The following CAMTA1 variants were observed in gnomAD, a reference collection of about 807,000 sequenced individuals.
CAMTA1 encodes the protein calmodulin binding transcription activator 1.
In CAMTA1, 27 loss-of-function variants were observed where a neutral mutation model predicts 170.9. The observed-to-expected ratio is 0.16, with a 90% CI of 0.12 to 0.22. The LOEUF is 0.22. CAMTA1 is among the 10% of genes least tolerant of loss of function. The probability of loss-of-function intolerance (pLI) is 1.00; values close to 1 mark genes in which losing one functional copy is unlikely to be tolerated. For missense variants in CAMTA1, 1,619 were observed against 2,217.2 expected (o/e 0.73, Z 5.42); for synonymous variants, 833 against 891.5 (o/e 0.93, Z 1.17).
At position 7,766,541 on chromosome 1, in the gene CAMTA1, T is replaced by TG; in HGVS notation, c.*50_*51insG. On this transcript the variant is annotated 3_prime_UTR_variant, in exon 23 of 23. Coordinates refer to ENST00000303635, the MANE Select transcript of CAMTA1 (RefSeq NM_015215.4). ...AATGTGACATTGCTTTTCAGACTGTTTTCATTTCTGTTTTTAGCAGAGACA... is the reference window on the plus strand; with the variant it reads ...AATGTGACATTGCTTTTCAGACTGTTGTTCATTTCTGTTTTTAGCAGAGACA... The TG allele has an allele frequency of 6.4e-7, 1 of 1,570,456 alleles. No homozygotes were observed. The highest frequency in any genetic ancestry group is 8.8e-7 in the Non-Finnish European group (1 of 1,140,444).
chr1:7,491,239 G>T lies in CAMTA1; in HGVS notation c.510+23338G>T, dbSNP rs34643765. 2.6e-3 allele frequency among the ~76,000 whole-genome samples: 397 copies of T among 152,268 alleles called. 3 individuals carry two copies. Among genetic ancestry groups the T allele is most frequent in the Admixed American group, 4.4e-3 (67 of 15,304 alleles). On this transcript the variant is annotated intron_variant, in intron 6 of 22. Transcript: ENST00000303635. ...GCCGCACTCACCAAGGCAGAGCCGG[G>T]AGGACTCCACCCACCCTCTTTCCTG...
intron 11 of CAMTA1, among the ~76,000 whole-genome samples, chr1:7,703,347 C>T (rs1380590579): frequency 6.6e-6 from 1 of 152,120 alleles, no homozygotes; most frequent in Admixed American, 6.5e-5. Context: ...GGAATACTGA[C>T]CTAGAGCAGG....
intron 5 of CAMTA1, among the ~76,000 whole-genome samples, chr1:7,349,373 G>A (rs541433988): frequency 6.6e-6 from 1 of 152,098 alleles, no homozygotes; most frequent in Non-Finnish European, 1.5e-5. Context: ...GCTTTCTGGG[G>A]GCCTAAAGGG....
chr1:6,785,682 CGGCG>C (rs1307015700), intron 1 of CAMTA1, 107 bp downstream of exon 1: 4 of 31,182 alleles, frequency 1.3e-4, no homozygotes, highest in East Asian at 1.4e-3. Flanking sequence ...CGCGGGGGCG[CGGCG>C]GGCGGGCGGG....
At chr1:7,715,812 G>A (rs972186975) in intron 11 of CAMTA1, among the ~76,000 whole-genome samples, 7 of 152,192 alleles carry the variant, frequency 4.6e-5, no homozygotes, top group African/African-American at 1.7e-4. Flanking sequence ...AGTCCTTGAT[G>A]TATTCTGATG....
chr1:6,953,761 CTT>C (rs543939742), intron 3 of CAMTA1, among the ~76,000 whole-genome samples: 1 of 146,096 alleles, frequency 6.8e-6, no homozygotes, highest in African/African-American at 2.5e-5. Flanking sequence ...CAATTTTTTT[CTT>C]TTTTTTTTTT....
chr1:7,322,373 A>T (rs1678562069), intron 5 of CAMTA1, among the ~76,000 whole-genome samples: 1 of 152,246 alleles, frequency 6.6e-6, no homozygotes, highest in Non-Finnish European at 1.5e-5. Context: ...GAGAGATGGT[A>T]AATGTTTTAG....
chr1:7,073,294 T>A (rs991721528), intron 3 of CAMTA1, among the ~76,000 whole-genome samples: 1 of 152,076 alleles, frequency 6.6e-6, no homozygotes, highest in Non-Finnish European at 1.5e-5. Context: ...GTGTGAAGCA[T>A]GTAAAGTTTA....
intron 11 of CAMTA1, among the ~76,000 whole-genome samples, chr1:7,724,929 A>G (rs1236695521): frequency 6.6e-6 from 1 of 152,182 alleles, no homozygotes; most frequent in African/African-American, 2.4e-5. Context: ...TTGAGGTGCA[A>G]AGTGGGAATC....
intron 4 of CAMTA1, among the ~76,000 whole-genome samples, chr1:7,151,053 C>G (rs1021814330): frequency 6.6e-6 from 1 of 152,180 alleles, no homozygotes; most frequent in African/African-American, 2.4e-5. Flanking sequence ...GGGGGAGCAC[C>G]CGTTGAAACC....
intron 3 of CAMTA1, among the ~76,000 whole-genome samples, chr1:6,939,806 G>T (rs532635518): frequency 6.6e-6 from 1 of 152,368 alleles, no homozygotes; most frequent in African/African-American, 2.4e-5. Flanking sequence ...CCTCTCCAAG[G>T]CTTCTGCCTA....
At chr1:7,549,262 A>C (rs955950796) in intron 6 of CAMTA1, among the ~76,000 whole-genome samples, 1 of 144,962 alleles carries the variant, frequency 6.9e-6, no homozygotes, top group African/African-American at 2.6e-5. Context: ...GGAGGTGCCC[A>C]TGGAGGGTCC....
rs768222141 is a variant in CAMTA1, at chr1:7,664,017, T to C, written c.1470T>C (p.Asn490=). ...ACTTTGACCCCGACTGTTTCCTTAA[T>C]AACCCAAAGCAGGGCCAGACGTACG... is the stretch of plus-strand genomic sequence containing the variant. The part of the protein sequence containing the change: ...TMNFDPDCFL[N]NPKQGQTYGG... The change falls in exon 9 of 23, where the codon AAT becomes AAC. Residue 490 remains asparagine, a synonymous_variant. Transcript: ENST00000303635. 1 of 1,613,920 alleles carries C rather than the reference T, an allele frequency of 6.2e-7. No individual in the cohort carries two copies. The highest frequency in any genetic ancestry group is 1.1e-5 in the South Asian group (1 of 91,078).
At position 6,870,499 on chromosome 1, in the gene CAMTA1, A is replaced by G. The variant is rs537864724; in HGVS notation, c.234+45289A>G. Among the ~76,000 whole-genome samples the G allele has an allele frequency of 4.6e-5, 7 of 152,350 alleles. No individual in the cohort carries two copies. In the South Asian group the frequency reaches 1.5e-3, roughly 32 times the overall value. On this transcript the variant is annotated intron_variant, in intron 3 of 22. Transcript: ENST00000303635. Reference sequence around the variant, plus strand: ...AGTTTGTTTATTTATTGATTGCCGTAAGCCTCTAGAAAGAATATTCTGTTT... The same window carrying G: ...AGTTTGTTTATTTATTGATTGCCGTGAGCCTCTAGAAAGAATATTCTGTTT...
At chr1:7,660,238 T>G (rs2095943136) in intron 7 of CAMTA1, among the ~76,000 whole-genome samples, 1 of 152,182 alleles carries the variant, frequency 6.6e-6, no homozygotes, top group South Asian at 2.1e-4. Context: ...CCAGCTAATT[T>G]TGTATTTTTG....
intron 22 of CAMTA1, 104 bp downstream of exon 22, chr1:7,755,772 T>G (rs2096927309): frequency 7.7e-6 from 7 of 904,420 alleles, no homozygotes; most frequent in Non-Finnish European, 1.3e-5. Context: ...CCAGTAAGTT[T>G]CACATCCATT....
chr1:7,468,582 G>A (rs190015364), intron 6 of CAMTA1, among the ~76,000 whole-genome samples: 96 of 152,318 alleles, frequency 6.3e-4, no homozygotes, highest in Middle Eastern at 3.4e-3. Flanking sequence ...CCGTGTGGGC[G>A]GGAAGGTCTG....
chr1:7,520,810 G>A (rs2094355802), intron 6 of CAMTA1, among the ~76,000 whole-genome samples: 1 of 152,150 alleles, frequency 6.6e-6, no homozygotes, highest in African/African-American at 2.4e-5. Flanking sequence ...TCCAGTCCAA[G>A]AAAGGCCCTG....
chr1:7,411,664 GA>G (rs2090768207), intron 5 of CAMTA1, among the ~76,000 whole-genome samples: 1 of 151,946 alleles, frequency 6.6e-6, no homozygotes, highest in Admixed American at 6.6e-5. Context: ...AGCTCAGAGA[GA>G]GACTCTTGGC....
Sources: allele counts gnomAD v4.1 joint callset (sites outside exome capture counted in the v4.1 genomes callset), GRCh38; gene constraint gnomAD v4.1.1; transcripts MANE v1.5; gene names NCBI Gene and HGNC (gene_info 2026-07-23, HGNC 2026-07-21).